The following TENM2 variants were observed in gnomAD, a reference collection of about 807,000 sequenced individuals.
TENM2 encodes teneurin transmembrane protein 2, also known as teneurin-2.
A neutral mutation model predicts 245.2 loss-of-function variants in TENM2; 52 were observed. That is an observed-to-expected ratio of 0.21 (90% CI 0.17 to 0.27). TENM2 has a LOEUF of 0.27. Ranked by LOEUF, TENM2 falls within the 10% of genes least tolerant of loss-of-function variation. The pLI is 1.00. For missense variants in TENM2, 3,046 were observed against 3,666.8 expected (o/e 0.83, Z 4.37); for synonymous variants, 1,363 against 1,438.9 (o/e 0.95, Z 1.19).
intron 13 of TENM2, among the ~76,000 whole-genome samples, chr5:168,163,065 C>G (rs950516622): frequency 1.3e-5 from 2 of 152,144 alleles, no homozygotes; most frequent in African/African-American, 4.8e-5. Flanking sequence ...TTCAGGGCTG[C>G]GGATAACAGT....
chr5:168,110,632 G>A (rs1364577111), intron 9 of TENM2, among the ~76,000 whole-genome samples: 5 of 152,126 alleles, frequency 3.3e-5, no homozygotes, highest in Admixed American at 6.5e-5. Context: ...CCATGCTTGC[G>A]GGTAATAGGA....
exon 12 of TENM2, chr5:168,126,938 T>A: frequency 6.2e-7 from 1 of 1,608,188 alleles, no homozygotes; most frequent in Non-Finnish European, 8.5e-7. Context: ...ACTGCACCAT[T>A]GGTAGGCAAA....
chr5:167,730,245 T>C (rs1760325771), intron 2 of TENM2, among the ~76,000 whole-genome samples: 1 of 152,206 alleles, frequency 6.6e-6, no homozygotes, highest in African/African-American at 2.4e-5. Context: ...AAGGGAATTT[T>C]TGGTCACTTA....
In TENM2 at chr5:168,154,172, A is replaced by G. The variant is rs765148962; in HGVS notation, c.2423-8439A>G. Among the ~76,000 whole-genome samples, 3 of 146,738 alleles carry G rather than the reference A, an allele frequency of 2.0e-5. 1 individual carries two copies. The highest frequency in any genetic ancestry group is 3.0e-5 in the Non-Finnish European group (2 of 66,980). On this transcript the variant is annotated intron_variant, in intron 12 of 28. Coordinates refer to ENST00000518659, the Ensembl canonical transcript of TENM2. ...TAAAAAAAAAAAAAAAAAAACAGTA[A>G]GAGCTTGAAACATCAAAACACCAAA...
intron 19 of TENM2, among the ~76,000 whole-genome samples, chr5:168,209,737 C>T (rs1762643723): frequency 6.6e-6 from 1 of 152,222 alleles, no homozygotes; most frequent in Non-Finnish European, 1.5e-5. Context: ...AGGGAAGCAG[C>T]CTCATTCCTT....
chr5:167,487,010 G>T (rs78692981), intron 2 of TENM2, among the ~76,000 whole-genome samples: 4,142 of 152,268 alleles, frequency 0.027, 83 homozygotes, highest in Non-Finnish European at 0.044. Flanking sequence ...GAGATTGTTT[G>T]TTGTCCTATC....
intron 2 of TENM2, among the ~76,000 whole-genome samples, chr5:167,635,476 C>A (rs1421876590): frequency 6.6e-6 from 1 of 152,028 alleles, no homozygotes; most frequent in Non-Finnish European, 1.5e-5. Flanking sequence ...AAAGGTACCA[C>A]TTACAAAGTT....
intron 6 of TENM2, among the ~76,000 whole-genome samples, chr5:168,057,263 T>A (rs2152076242): frequency 6.6e-6 from 1 of 151,938 alleles, no homozygotes; most frequent in East Asian, 1.9e-4. Context: ...AGCTTTCTAA[T>A]AACTCCTCCT....
intron 8 of TENM2, among the ~76,000 whole-genome samples, chr5:168,093,234 G>A (rs978378038): frequency 6.6e-6 from 1 of 152,150 alleles, no homozygotes; most frequent in Non-Finnish European, 1.5e-5. Flanking sequence ...AGGCATTGTG[G>A]TAGTGAAATT....
chr5:168,207,718 C>T (rs191410513), intron 19 of TENM2, among the ~76,000 whole-genome samples: 10 of 152,216 alleles, frequency 6.6e-5, no homozygotes, highest in East Asian at 5.8e-4. Context: ...GATTCCATTT[C>T]GGGAGTCAGT....
chr5:167,438,925 C>G (rs975636264), intron 2 of TENM2, among the ~76,000 whole-genome samples: 6 of 152,080 alleles, frequency 3.9e-5, no homozygotes, highest in African/African-American at 1.4e-4. Flanking sequence ...TCCCGAGTAG[C>G]TGGGATGACA....
At chr5:167,378,070 T>C (rs2127321845) in intron 2 of TENM2, among the ~76,000 whole-genome samples, 1 of 152,270 alleles carries the variant, frequency 6.6e-6, no homozygotes, top group South Asian at 2.1e-4. Flanking sequence ...CATTTCTTGG[T>C]GGGATTTTGG....
chr5:167,495,990 T>C (rs1347251501), intron 2 of TENM2, among the ~76,000 whole-genome samples: 5 of 151,982 alleles, frequency 3.3e-5, no homozygotes, highest in African/African-American at 1.2e-4. Context: ...TCCTCTACCA[T>C]ATACAAAACC....
intron 2 of TENM2, among the ~76,000 whole-genome samples, chr5:167,809,598 T>C (rs1048922286): frequency 6.6e-6 from 1 of 152,290 alleles, no homozygotes; most frequent in Non-Finnish European, 1.5e-5. Context: ...CTCTATTCTA[T>C]ATATACTTAA....
chr5:167,391,092 A>G (rs1015120405), intron 2 of TENM2, among the ~76,000 whole-genome samples: 5 of 152,130 alleles, frequency 3.3e-5, no homozygotes, highest in Admixed American at 2.6e-4. Flanking sequence ...CCTATCCATT[A>G]TCAAAGAATT....
chr5:167,665,854 A>G (rs933825912), intron 2 of TENM2, among the ~76,000 whole-genome samples: 1 of 152,172 alleles, frequency 6.6e-6, no homozygotes, highest in South Asian at 2.1e-4. Context: ...AACAACACTC[A>G]ATTTTCATTG....
chr5:167,597,504 C>A (rs987912098), intron 2 of TENM2, among the ~76,000 whole-genome samples: 1 of 152,064 alleles, frequency 6.6e-6, no homozygotes, highest in African/African-American at 2.4e-5. Context: ...TTTCACGAAG[C>A]TTTTGAGAAC....
chr5:167,274,155 A>G, the TENM2 span, among the ~76,000 whole-genome samples: 5 of 152,110 alleles, frequency 3.3e-5, no homozygotes, highest in African/African-American at 1.2e-4. Flanking sequence ...GACTTCTTAC[A>G]CACCATCATA....
chr5:167,462,160 CG>C (rs1373392597), intron 2 of TENM2, among the ~76,000 whole-genome samples: 2 of 136,788 alleles, frequency 1.5e-5, no homozygotes, highest in East Asian at 2.2e-4. Flanking sequence ...CATTCTGAAA[CG>C]GGAGAGTTCC....
Sources: gnomAD v4.1 joint callset for allele counts (sites outside exome capture counted in the v4.1 genomes callset) on GRCh38, gnomAD v4.1.1 for gene constraint, MANE v1.5 for transcripts, NCBI Gene and HGNC (gene_info 2026-07-23, HGNC 2026-07-21) for gene names.